The following OPCML variants were observed in gnomAD, a reference collection of about 807,000 sequenced individuals.
The protein encoded by OPCML is opioid binding protein/cell adhesion molecule like, also known as opioid-binding protein/cell adhesion molecule.
OPCML carries 13 observed loss-of-function variants against 37.8 expected under a neutral mutation model. That is an observed-to-expected ratio of 0.34 (90% CI 0.22 to 0.55). The LOEUF is 0.55. OPCML is among the 20% of genes least tolerant of loss of function. The probability of loss-of-function intolerance (pLI) is 0.91; values close to 1 mark genes in which losing one functional copy is unlikely to be tolerated. For synonymous variants in OPCML, 176 were observed against 168.8 expected, an observed-to-expected ratio of 1.04 and a Z score of -0.33; for missense variants, 341 against 435.6, an observed-to-expected ratio of 0.78 and a Z score of 1.93.
At chr11:133,458,371 T>A (rs779406477) in intron 1 of OPCML, among the ~76,000 whole-genome samples, 1 of 12,522 alleles carries the variant, frequency 8.0e-5, no homozygotes, top group East Asian at 3.8e-3. Flanking sequence ...TATATACACA[T>A]ATATACACGT....
At chr11:133,215,527 A>T (rs535932334) in intron 1 of OPCML, among the ~76,000 whole-genome samples, 1 of 152,290 alleles carries the variant, frequency 6.6e-6, no homozygotes, top group Non-Finnish European at 1.5e-5. Context: ...TCCTATTCCC[A>T]GGGTCCTCTG....
intron 1 of OPCML, among the ~76,000 whole-genome samples, chr11:133,412,701 G>A (rs1164813270): frequency 6.6e-6 from 1 of 152,162 alleles, no homozygotes; most frequent in African/African-American, 2.4e-5. Flanking sequence ...GTTGTTTGTA[G>A]TTTGTCACTG....
chr11:132,628,082 T>C (rs1215659948), intron 3 of OPCML, among the ~76,000 whole-genome samples: 2 of 152,076 alleles, frequency 1.3e-5, no homozygotes, highest in Non-Finnish European at 2.9e-5. Context: ...AAAAGCAGTG[T>C]TTAAAGATTA....
chr11:132,915,904 A>G (rs2136560312), intron 2 of OPCML, among the ~76,000 whole-genome samples: 1 of 152,314 alleles, frequency 6.6e-6, no homozygotes, highest in East Asian at 1.9e-4. Context: ...TTCCCAGTCT[A>G]CTGCTTATCT....
chr11:133,197,516 G>T (rs565719785), intron 1 of OPCML, among the ~76,000 whole-genome samples: 1 of 152,120 alleles, frequency 6.6e-6, no homozygotes, highest in South Asian at 2.1e-4. Context: ...ACATCTCACT[G>T]CTTCTCATGG....
chr11:133,486,974 C>A (rs940028259), intron 1 of OPCML, among the ~76,000 whole-genome samples: 1 of 151,760 alleles, frequency 6.6e-6, no homozygotes, highest in Non-Finnish European at 1.5e-5. Flanking sequence ...AAACATATGC[C>A]AAATCCATTA....
At chr11:133,466,148 A>G (rs1946973205) in intron 1 of OPCML, among the ~76,000 whole-genome samples, 1 of 152,158 alleles carries the variant, frequency 6.6e-6, no homozygotes, top group Non-Finnish European at 1.5e-5. Flanking sequence ...TGGCGCCTCT[A>G]TAGAGGATCA....
intron 1 of OPCML, among the ~76,000 whole-genome samples, chr11:132,993,592 G>T (rs181152470): frequency 5.9e-5 from 9 of 152,114 alleles, no homozygotes; most frequent in African/African-American, 2.2e-4. Flanking sequence ...GCGCTGCCCC[G>T]CTCCCTACTT....
intron 1 of OPCML, among the ~76,000 whole-genome samples, chr11:133,333,911 T>C (rs1223404432): frequency 1.3e-5 from 2 of 152,162 alleles, no homozygotes; most frequent in Non-Finnish European, 1.5e-5. Flanking sequence ...TCACTGATCA[T>C]TAGAGAAATG....
At position 133,472,507 on chromosome 11, in the gene OPCML, G is replaced by C. The variant is rs541045856; in HGVS notation, c.61+59757C>G. Among the ~76,000 whole-genome samples, 4 of 151,942 alleles carry C rather than the reference G, an allele frequency of 2.6e-5. No individual in the cohort carries two copies. The South Asian group carries it at 6.2e-4, about 24-fold the overall frequency. ...CTTACTTCCATAATGATGTGATGCA[G>C]ATCAGGCAAACCCCGATCTTCGGCT... On this transcript the variant is annotated intron_variant, in intron 1 of 7. Coordinates refer to ENST00000524381, the MANE Select transcript of OPCML (RefSeq NM_001012393.5).
rs1167267814 is a variant in OPCML at position 132,417,872 on chromosome 11, A to G, written c.*2321T>C. ...TGATCATCCCTGGAACTGGGAATCAATGCACCATTCCTGGCACATCAGTTA... is the reference window on the plus strand; with the variant it reads ...TGATCATCCCTGGAACTGGGAATCAGTGCACCATTCCTGGCACATCAGTTA... On this transcript the variant is annotated 3_prime_UTR_variant, in exon 8 of 8. Coordinates refer to ENST00000524381, the MANE Select transcript of OPCML (RefSeq NM_001012393.5). The G allele has an allele frequency of 6.6e-6, 1 of 152,212 alleles. No individual in the cohort carries two copies. The highest frequency in any genetic ancestry group is 1.5e-5 in the Non-Finnish European group (1 of 68,026). 9.4% of individuals were successfully genotyped at this position (152,212 alleles called of 1,614,324 possible). A position where few individuals can be genotyped will look rare whatever the true frequency, so the allele number is the denominator to read the frequency against.
At chr11:132,739,916 T>G (rs1384874691) in intron 2 of OPCML, among the ~76,000 whole-genome samples, 1 of 152,152 alleles carries the variant, frequency 6.6e-6, no homozygotes. Context: ...TTCAACCTAT[T>G]TCGACAAACA....
At chr11:132,582,027 A>C (rs2096463022) in intron 3 of OPCML, among the ~76,000 whole-genome samples, 1 of 151,878 alleles carries the variant, frequency 6.6e-6, no homozygotes, top group Non-Finnish European at 1.5e-5. Context: ...AATCATCTAT[A>C]TCTCAGGGCC....
intron 1 of OPCML, among the ~76,000 whole-genome samples, chr11:133,379,366 G>T (rs887039738): frequency 6.6e-6 from 1 of 152,112 alleles, no homozygotes; most frequent in Non-Finnish European, 1.5e-5. Flanking sequence ...CCTCTCAGCT[G>T]AGCTCTTTAG....
chr11:132,986,651 G>T (rs1468572057), intron 1 of OPCML, among the ~76,000 whole-genome samples: 1 of 152,120 alleles, frequency 6.6e-6, no homozygotes, highest in East Asian at 1.9e-4. Context: ...AATATAGAAA[G>T]TTAAGCTTGT....
intron 4 of OPCML, among the ~76,000 whole-genome samples, chr11:132,449,874 G>T (rs1009668485): frequency 9.2e-5 from 14 of 152,234 alleles, no homozygotes; most frequent in African/African-American, 3.1e-4. Context: ...TTTCATGAGG[G>T]TCTTTCTGGA....
intron 1 of OPCML, among the ~76,000 whole-genome samples, chr11:133,388,125 G>A (rs200624441): frequency 7.9e-5 from 12 of 152,224 alleles, no homozygotes; most frequent in South Asian, 4.1e-4. Flanking sequence ...GCCAGACTCC[G>A]CACCATGAAG....
intron 4 of OPCML, among the ~76,000 whole-genome samples, chr11:132,474,134 A>C (rs2096146981): frequency 6.6e-6 from 1 of 152,138 alleles, no homozygotes; most frequent in African/African-American, 2.4e-5. Flanking sequence ...AGACAGACCC[A>C]ACATGCAGCA....
chr11:133,426,780 G>C (rs776650121), intron 1 of OPCML, among the ~76,000 whole-genome samples: 1 of 152,142 alleles, frequency 6.6e-6, no homozygotes, highest in Non-Finnish European at 1.5e-5. Context: ...CTCAGAATCA[G>C]TAAACACTGG....
Sources: gnomAD v4.1 joint callset for allele counts (sites outside exome capture counted in the v4.1 genomes callset) on GRCh38, gnomAD v4.1.1 for gene constraint, MANE v1.5 for transcripts, NCBI Gene and HGNC (gene_info 2026-07-23, HGNC 2026-07-21) for gene names.